TENM3: variants seen among roughly 807,000 people sequenced by gnomAD.
The protein encoded by TENM3 is teneurin-3.
A neutral mutation model predicts 255.1 loss-of-function variants in TENM3; 63 were observed. That is an observed-to-expected ratio of 0.25 (90% CI 0.20 to 0.30). TENM3 has a LOEUF of 0.30. Among genes scored for constraint, TENM3 ranks in the 10% least tolerant of loss-of-function variants. The probability of loss-of-function intolerance (pLI) is 1.00; values close to 1 mark genes in which losing one functional copy is unlikely to be tolerated. For synonymous variants in TENM3, 1,306 were observed against 1,322.3 expected (o/e 0.99, Z 0.27); for missense variants, 2,929 against 3,461.1 (o/e 0.85, Z 3.86).
chr4:182,230,622 A>T (rs1303667694), intron 1 of TENM3, among the ~76,000 whole-genome samples: 1 of 151,212 alleles, frequency 6.6e-6, no homozygotes. Flanking sequence ...TCACAGCTTT[A>T]ACCTCCCCAT....
In TENM3 at chr4:182,692,374, A is replaced by G. The variant is rs1170860920; in HGVS notation, c.2221+4023A>G. On this transcript the variant is annotated intron_variant, in intron 12 of 27. Transcript: ENST00000511685. ...ACCAAATTTTTACTACTGCTAACCT[A>G]TCACTTCCACAAGAACCATTCTTTT... Among the ~76,000 whole-genome samples the G allele has an allele frequency of 5.9e-5, 9 of 152,324 alleles. No individual in the cohort carries two copies. The South Asian group carries it at 8.3e-4, about 14-fold the overall frequency.
chr4:182,701,365 C>T (rs1026949832), intron 12 of TENM3, among the ~76,000 whole-genome samples: 6 of 151,468 alleles, frequency 4.0e-5, no homozygotes, highest in African/African-American at 7.3e-5. Context: ...GGACTACAGG[C>T]GCCCACAACC....
the TENM3 span, among the ~76,000 whole-genome samples, chr4:181,915,336 A>G: frequency 1.3e-5 from 2 of 152,210 alleles, no homozygotes; most frequent in African/African-American, 4.8e-5. Context: ...GAAAGACTGT[A>G]TTAGATACTT....
chr4:181,940,593 T>C, the TENM3 span, among the ~76,000 whole-genome samples: 1 of 152,226 alleles, frequency 6.6e-6, no homozygotes, highest in Non-Finnish European at 1.5e-5. Context: ...GTGAATCTCA[T>C]GGCAGGATAT....
rs192099567 is a variant in TENM3, at chr4:182,372,661, A to G, written c.511+25732A>G. On this transcript the variant is annotated intron_variant, in intron 3 of 27. Coordinates refer to ENST00000511685, the MANE Select transcript of TENM3 (RefSeq NM_001080477.4). ...CCTGTCCCATGCTGAACAAAAAAAAAATAATCCATCCAGAAGGAAAATTAA... is the reference window on the plus strand; with the variant it reads ...CCTGTCCCATGCTGAACAAAAAAAAGATAATCCATCCAGAAGGAAAATTAA... 3.6e-4 allele frequency among the ~76,000 whole-genome samples: 55 copies of G among 152,338 alleles called. 1 individual carries two copies. In the East Asian group the frequency reaches 0.01, roughly 28 times the overall value.
intron 3 of TENM3, among the ~76,000 whole-genome samples, chr4:182,365,844 C>T (rs534812416): frequency 1.4e-3 from 212 of 152,276 alleles, no homozygotes; most frequent in Non-Finnish European, 1.9e-3. Context: ...CCCACTATAT[C>T]TAGGCTACAT....
At chr4:182,284,450 G>A (rs868698778) in intron 1 of TENM3, among the ~76,000 whole-genome samples, 14 of 152,126 alleles carry the variant, frequency 9.2e-5, no homozygotes, top group African/African-American at 2.2e-4. Flanking sequence ...TCTGCGGATC[G>A]TACTGGTCAG....
chr4:182,296,319 A>G (rs921022599), intron 1 of TENM3, among the ~76,000 whole-genome samples: 4 of 152,262 alleles, frequency 2.6e-5, no homozygotes, highest in Non-Finnish European at 4.4e-5. Context: ...TATTAAAGAC[A>G]TGAAAACTCT....
the TENM3 span, among the ~76,000 whole-genome samples, chr4:182,024,221 G>GT: frequency 2.0e-5 from 3 of 152,032 alleles, no homozygotes; most frequent in Non-Finnish European, 4.4e-5. Context: ...AAAACAAAAA[G>GT]TCATACATTG....
intron 3 of TENM3, among the ~76,000 whole-genome samples, chr4:182,462,491 G>C (rs1368535601): frequency 6.6e-6 from 1 of 151,420 alleles, no homozygotes; most frequent in Non-Finnish European, 1.5e-5. Context: ...CCTCCTCTCT[G>C]AACAGCCGCA....
chr4:182,616,190 G>A (rs17073634), intron 4 of TENM3, among the ~76,000 whole-genome samples: 1 of 152,080 alleles, frequency 6.6e-6, no homozygotes, highest in Non-Finnish European at 1.5e-5. Flanking sequence ...CAAAACCGGC[G>A]CTTCCTTATC....
At chr4:182,734,073 G>T (rs759370564) in intron 16 of TENM3, among the ~76,000 whole-genome samples, 4 of 152,162 alleles carry the variant, frequency 2.6e-5, no homozygotes, top group African/African-American at 9.7e-5. Context: ...AGAAGAAGAC[G>T]TGCATCCTGC....
At chr4:181,929,267 G>T in the TENM3 span, among the ~76,000 whole-genome samples, 1 of 151,906 alleles carries the variant, frequency 6.6e-6, no homozygotes, top group Admixed American at 6.6e-5. Flanking sequence ...TCAGTGTGCT[G>T]TGTTCAGGAG....
the TENM3 span, among the ~76,000 whole-genome samples, chr4:181,845,973 T>G: frequency 6.6e-6 from 1 of 152,230 alleles, no homozygotes; most frequent in Non-Finnish European, 1.5e-5. Context: ...CAGAGCCTGG[T>G]CATTCCTATT....
the TENM3 span, among the ~76,000 whole-genome samples, chr4:181,726,759 T>A: frequency 6.6e-6 from 1 of 152,138 alleles, no homozygotes; most frequent in East Asian, 1.9e-4. Context: ...TCCCACAGGT[T>A]GAGGGCTCAG....
At chr4:181,447,762 T>A in the TENM3 span, among the ~76,000 whole-genome samples, 147,140 of 152,258 alleles carry the variant, frequency 0.97, 71,167 homozygotes, top group Non-Finnish European at 0.99. Flanking sequence ...TCCTAGGAAG[T>A]CTGGGGAGCG....
chr4:182,518,313 G>A (rs1452652817), intron 3 of TENM3, among the ~76,000 whole-genome samples: 1 of 152,094 alleles, frequency 6.6e-6, no homozygotes, highest in African/African-American at 2.4e-5. Context: ...TCGTGACTGT[G>A]AGTGGGATCT....
chr4:181,946,701 A>T, the TENM3 span, among the ~76,000 whole-genome samples: 1 of 152,214 alleles, frequency 6.6e-6, no homozygotes, highest in African/African-American at 2.4e-5. Context: ...ACACAAATAC[A>T]AGAAGAGAAA....
chr4:182,629,015 A>G, intron 5 of TENM3, 126 bp downstream of exon 5: 1 of 654,396 alleles, frequency 1.5e-6, no homozygotes, highest in Non-Finnish European at 2.6e-6. Context: ...TGAGTTTGGT[A>G]ATAATGTATC....
Sources: allele counts gnomAD v4.1 joint callset (sites outside exome capture counted in the v4.1 genomes callset), GRCh38; gene constraint gnomAD v4.1.1; transcripts MANE v1.5; gene names NCBI Gene and HGNC (gene_info 2026-07-23, HGNC 2026-07-21).